Variants in HSPA12A observed in about 807,000 individuals in gnomAD.
HSPA12A encodes heat shock 70 kDa protein 12A.
In HSPA12A, 28 loss-of-function variants were observed where a neutral mutation model predicts 69.2. That is an observed-to-expected ratio of 0.40 (90% CI 0.30 to 0.55). HSPA12A has a LOEUF of 0.55. Ranked by LOEUF, HSPA12A falls within the 20% of genes least tolerant of loss-of-function variation. The pLI is 0.38. For synonymous variants in HSPA12A, 345 were observed against 370.5 expected (o/e 0.93, Z 0.79); for missense variants, 686 against 900.7 (o/e 0.76, Z 3.05).
chr10:116,840,669 T>C (rs921610016), intron 1 of HSPA12A, among the ~76,000 whole-genome samples: 2 of 152,216 alleles, frequency 1.3e-5, no homozygotes, highest in Admixed American at 6.5e-5. Flanking sequence ...ACTCTGCTTT[T>C]AACATGTTAG....
Position 116,683,954 on chromosome 10 carries a change from C to A in HSPA12A, c.672G>T (p.Leu224=). 1 of 1,573,822 alleles carries A rather than the reference C, an allele frequency of 6.4e-7. No homozygotes were observed. Among genetic ancestry groups the A allele is most frequent in the Non-Finnish European group, 8.7e-7 (1 of 1,152,404 alleles). The change falls in exon 7 of 12, where the codon CTG becomes CTT. Residue 224 remains leucine (L), a synonymous_variant. Transcript: ENST00000369209. ...FMRQAAYQAG[L]ASPENSEQLI... ...GCTGCTCCGAGTTCTCGGGGGAGGC[C>A]AGGCCTGCCTGGAAGACAGAAACAG...
chr10:116,811,040 T>C (rs561066866), intron 2 of HSPA12A, among the ~76,000 whole-genome samples: 8 of 151,988 alleles, frequency 5.3e-5, no homozygotes, highest in Non-Finnish European at 1.2e-4. Flanking sequence ...AGGGATAAGA[T>C]TAACTGGGAA....
At chr10:116,693,531 C>A (rs1554880406) in intron 5 of HSPA12A, among the ~76,000 whole-genome samples, 1 of 152,208 alleles carries the variant, frequency 6.6e-6, no homozygotes, top group Non-Finnish European at 1.5e-5. Context: ...TTCCCCTTGC[C>A]ACGTTCACCA....
intron 1 of HSPA12A, among the ~76,000 whole-genome samples, chr10:116,840,916 T>G (rs577032497): frequency 1.3e-5 from 2 of 152,334 alleles, no homozygotes; most frequent in African/African-American, 4.8e-5. Flanking sequence ...AATCTAACAG[T>G]AGCTGTTTAA....
At chr10:116,761,994 G>A (rs1428124568) in intron 2 of HSPA12A, among the ~76,000 whole-genome samples, 3 of 152,218 alleles carry the variant, frequency 2.0e-5, no homozygotes, top group Admixed American at 6.5e-5. Flanking sequence ...GTCTTTGAAT[G>A]CAACATTGTG....
intron 2 of HSPA12A, among the ~76,000 whole-genome samples, chr10:116,764,604 G>A (rs77259820): frequency 0.024 from 3,654 of 152,252 alleles, 140 homozygotes; most frequent in African/African-American, 0.079. Context: ...ACAAAATGGA[G>A]GGGGCAGAGT....
chr10:116,774,852 C>T (rs1844298687), intron 2 of HSPA12A, among the ~76,000 whole-genome samples: 1 of 152,222 alleles, frequency 6.6e-6, no homozygotes, highest in African/African-American at 2.4e-5. Context: ...CCTGCAGGCC[C>T]CAGTCCTGCC....
intron 1 of HSPA12A, among the ~76,000 whole-genome samples, chr10:116,847,211 C>CA (rs1156623187): frequency 6.6e-6 from 1 of 152,184 alleles, no homozygotes; most frequent in African/African-American, 2.4e-5. Flanking sequence ...AAGGTAATCT[C>CA]AAAAGCCATC....
intron 2 of HSPA12A, among the ~76,000 whole-genome samples, chr10:116,823,103 T>A (rs553497119): frequency 6.6e-6 from 1 of 152,326 alleles, no homozygotes; most frequent in South Asian, 2.1e-4. Context: ...GAAGTGAACA[T>A]CCACTGTCTT....
intron 2 of HSPA12A, among the ~76,000 whole-genome samples, chr10:116,813,331 C>T (rs547975913): frequency 2.2e-4 from 32 of 146,952 alleles, no homozygotes; most frequent in Non-Finnish European, 3.6e-4. Context: ...CTGCAAGCTC[C>T]GCCTCCCGGG....
intron 6 of HSPA12A, among the ~76,000 whole-genome samples, chr10:116,687,702 A>G (rs1366996302): frequency 1.3e-5 from 2 of 152,218 alleles, no homozygotes; most frequent in African/African-American, 4.8e-5. Context: ...AGCCCTCAGC[A>G]AACCTATGGG....
At chr10:116,760,243 T>C (rs1393211277) in intron 2 of HSPA12A, among the ~76,000 whole-genome samples, 2 of 152,158 alleles carry the variant, frequency 1.3e-5, no homozygotes, top group African/African-American at 4.8e-5. Context: ...TAGTACATTC[T>C]TTTTTATAGC....
chr10:116,818,420 T>C (rs917147310), intron 2 of HSPA12A, among the ~76,000 whole-genome samples: 3 of 150,382 alleles, frequency 2.0e-5, no homozygotes, highest in African/African-American at 7.4e-5. Context: ...ATGGCAGTGA[T>C]GTATGGAAGG....
chr10:116,719,610 G>T (rs1341455266), intron 1 of HSPA12A, among the ~76,000 whole-genome samples: 1 of 152,122 alleles, frequency 6.6e-6, no homozygotes, highest in Non-Finnish European at 1.5e-5. Flanking sequence ...CTGGTGCTTG[G>T]TTTTCCTTAT....
intron 2 of HSPA12A, among the ~76,000 whole-genome samples, chr10:116,806,785 C>A (rs1394514700): frequency 1.3e-5 from 2 of 152,210 alleles, no homozygotes; most frequent in African/African-American, 4.8e-5. Flanking sequence ...ATGTGGAAGG[C>A]TGGTGCAGGG....
At chr10:116,837,056 C>A (rs1005329532) in intron 1 of HSPA12A, among the ~76,000 whole-genome samples, 8 of 152,224 alleles carry the variant, frequency 5.3e-5, no homozygotes, top group Admixed American at 3.9e-4. Flanking sequence ...ATTTTTCAGA[C>A]CTGTCACTTG....
chr10:116,724,946 C>T (rs1017659458), intron 1 of HSPA12A, among the ~76,000 whole-genome samples: 27 of 152,208 alleles, frequency 1.8e-4, no homozygotes, highest in Admixed American at 1.2e-3. Context: ...TGGCAATCTC[C>T]CAGCAACACC....
intron 2 of HSPA12A, among the ~76,000 whole-genome samples, chr10:116,772,863 T>TATG (rs1367409410): frequency 6.6e-6 from 1 of 151,294 alleles, no homozygotes; most frequent in Non-Finnish European, 1.5e-5. Flanking sequence ...TCTGGCTGAT[T>TATG]ATTATTATTA....
chr10:116,738,871 G>A (rs965233690), intron 1 of HSPA12A, among the ~76,000 whole-genome samples: 4 of 152,216 alleles, frequency 2.6e-5, no homozygotes, highest in Non-Finnish European at 5.9e-5. Flanking sequence ...AAGACACTGT[G>A]TAGGGACATA....
Sources: gnomAD v4.1 joint callset for allele counts (sites outside exome capture counted in the v4.1 genomes callset) on GRCh38, gnomAD v4.1.1 for gene constraint, MANE v1.5 for transcripts, NCBI Gene and HGNC (gene_info 2026-07-23, HGNC 2026-07-21) for gene names.